The following GPLD1 variants were observed in gnomAD, a reference collection of about 807,000 sequenced individuals.
GPLD1 encodes the protein phosphatidylinositol-glycan-specific phospholipase D.
In GPLD1, 84 loss-of-function variants were observed where a neutral mutation model predicts 112.6. The observed-to-expected ratio is 0.75, with a 90% confidence interval of 0.63 to 0.89. The LOEUF (loss-of-function observed/expected upper bound fraction) is 0.89, where lower values mean the gene tolerates loss of function less well. Ranked by LOEUF, GPLD1 falls within the 40% of genes least tolerant of loss-of-function variation. The probability of loss-of-function intolerance (pLI) is 0.00; values close to 1 mark genes in which losing one functional copy is unlikely to be tolerated. For synonymous variants in GPLD1, 386 were observed against 403.8 expected (o/e 0.96, Z 0.53); for missense variants, 1,044 against 1,051.5 (o/e 0.99, Z 0.10).
At chr6:24,458,138 C>T (rs1003215140) in intron 12 of GPLD1, among the ~76,000 whole-genome samples, 1 of 151,390 alleles carries the variant, frequency 6.6e-6, no homozygotes. Context: ...TAAATCTGCC[C>T]AAGGGTGACA....
At position 24,479,922 on chromosome 6, in the gene GPLD1, A is replaced by T. The variant is rs1385833486; in HGVS notation, c.191T>A (p.Ile64Asn). Residue 64 changes from isoleucine to asparagine, a missense_variant, in exon 3 of 25, where the codon ATC becomes AAC. Ile to Asn is a moderately radical substitution (Grantham distance 149). Coordinates refer to ENST00000230036, the MANE Select transcript of GPLD1 (RefSeq NM_001503.4). ...LEHQDAYQAG[I>N]VFPDCFYPSI... ...AGGGTAAAAACAATCAGGAAACACG[A>T]TTCCAGCCTGATACGCATCCTGGTG... The T allele has an allele frequency of 6.2e-7, 1 of 1,611,632 alleles. No homozygotes were observed. Among genetic ancestry groups the T allele is most frequent in the Admixed American group, 1.7e-5 (1 of 60,024 alleles).
chr6:24,468,640 G>A (rs983374941), intron 7 of GPLD1, among the ~76,000 whole-genome samples: 27 of 151,398 alleles, frequency 1.8e-4, no homozygotes, highest in East Asian at 7.8e-4. Flanking sequence ...CGCAACCTCC[G>A]CCTTCCAAGT....
intron 24 of GPLD1, among the ~76,000 whole-genome samples, chr6:24,432,208 T>A (rs1030486654): frequency 2.1e-5 from 3 of 144,626 alleles, no homozygotes; most frequent in African/African-American, 7.9e-5. Flanking sequence ...GACCACACCA[T>A]TGCACTCCGG....
At chr6:24,481,850 G>T (rs959092089) in intron 2 of GPLD1, among the ~76,000 whole-genome samples, 1 of 152,004 alleles carries the variant, frequency 6.6e-6, no homozygotes, top group African/African-American at 2.4e-5. Flanking sequence ...AGCTTGAGTT[G>T]GACTTTTTTC....
At chr6:24,435,849 T>TAAAAAAAAAAAAAAAAAAAAA (rs1554129001) in intron 22 of GPLD1, 2 of 83,936 alleles carry the variant, frequency 2.4e-5, no homozygotes, top group Admixed American at 1.2e-4. Context: ...AAAAAAAAAG[T>TAAAAAAAAAAAAAAAAAAAAA]TAAATAATGG....
At position 24,483,341 on chromosome 6, in the gene GPLD1, T is replaced by C. The variant is rs565453523; in HGVS notation, c.153+2734A>G. On this transcript the variant is annotated intron_variant, in intron 2 of 24. Transcript: ENST00000230036. Reference sequence around the variant, plus strand: ...TTTTAAGCTACAGAAACAAAAGTACTATGATACTGAAACCAAAAGAAACAG... The same window carrying C: ...TTTTAAGCTACAGAAACAAAAGTACCATGATACTGAAACCAAAAGAAACAG... 5.3e-5 allele frequency among the ~76,000 whole-genome samples: 8 copies of C among 151,792 alleles called. No individual in the cohort carries two copies. The East Asian group carries it at 7.8e-4, about 15-fold the overall frequency.
intron 12 of GPLD1, among the ~76,000 whole-genome samples, chr6:24,459,229 G>A (rs1215851691): frequency 6.7e-6 from 1 of 149,770 alleles, no homozygotes; most frequent in East Asian, 2.0e-4. Context: ...AGCCTCCAAG[G>A]TGAAGCTTTT....
rs551431320 is a variant in GPLD1 at position 24,471,440 on chromosome 6, G to A, written c.545+1142C>T. Among the ~76,000 whole-genome samples, 316 of 152,080 alleles carry A rather than the reference G, an allele frequency of 2.1e-3. 2 individuals carry two copies. Among genetic ancestry groups the A allele is most frequent in the Non-Finnish European group, 4.1e-3 (276 of 67,992 alleles). On this transcript the variant is annotated intron_variant, in intron 7 of 24. Transcript: ENST00000230036. ...ATCACACACCACTGCACTCCAGCCC[G>A]AGCCACAGAGTTAGACTGGCTCAAA... is the stretch of plus-strand genomic sequence containing the variant.
intron 3 of GPLD1, among the ~76,000 whole-genome samples, chr6:24,479,113 C>T (rs1581783663): frequency 6.6e-6 from 1 of 152,046 alleles, no homozygotes; most frequent in African/African-American, 2.4e-5. Context: ...CCCTCCCCAA[C>T]CAGAGACGTG....
intron 7 of GPLD1, among the ~76,000 whole-genome samples, chr6:24,468,898 C>T (rs1463612752): frequency 1.3e-5 from 2 of 152,212 alleles, no homozygotes; most frequent in African/African-American, 4.8e-5. Context: ...TCCGGACCTC[C>T]TGAGGCTGTA....
chr6:24,479,391 A>C (rs1029258058), intron 3 of GPLD1, among the ~76,000 whole-genome samples: 1 of 152,060 alleles, frequency 6.6e-6, no homozygotes, highest in Non-Finnish European at 1.5e-5. Context: ...TCTTTCTTTA[A>C]CTCTTACAAA....
chr6:24,460,517 C>T, intron 11 of GPLD1, 118 bp from the exon 12 acceptor site: 1 of 1,036,782 alleles, frequency 9.6e-7, no homozygotes, highest in Non-Finnish European at 1.4e-6. Context: ...ATTTTAACGT[C>T]AGAAGGCTGA....
intron 11 of GPLD1, among the ~76,000 whole-genome samples, chr6:24,461,241 T>G (rs184584517): frequency 6.6e-6 from 1 of 152,028 alleles, no homozygotes; most frequent in East Asian, 1.9e-4. Context: ...GTCAGGGTTC[T>G]GGCAACCCCA....
chr6:24,451,364 T>C (rs1279995539), intron 14 of GPLD1, among the ~76,000 whole-genome samples: 2 of 152,176 alleles, frequency 1.3e-5, no homozygotes, highest in Non-Finnish European at 2.9e-5. Flanking sequence ...GTTTTTGAGA[T>C]GGAGTTTCGC....
chr6:24,433,677 TAGAG>T (rs1204419498), intron 22 of GPLD1: 4 of 299,528 alleles, frequency 1.3e-5, no homozygotes, highest in East Asian at 8.0e-5. Flanking sequence ...GTATTTTTAG[TAGAG>T]AGGCGGTTTC....
In GPLD1 at chr6:24,466,784, CA is replaced by C; in HGVS notation, c.716del (p.Leu239TrpfsTer26). Reference sequence around the variant, plus strand: ...GAAAATACTCTTGGAATTGTTCCACCAAAAACGGGGACTTTGTAGAGTAAGT... The same window carrying C: ...GAAAATACTCTTGGAATTGTTCCACCAAAACGGGGACTTTGTAGAGTAAGT... ...YPTYSTKSPFLVEQFQEYFLG... is the reference protein window; with the variant it reads ...YPTYSTKSPFXVEQFQEYFLG... On this transcript the variant is annotated frameshift_variant, in exon 10 of 25. Coordinates refer to ENST00000230036, the MANE Select transcript of GPLD1 (RefSeq NM_001503.4). LOFTEE classifies it high-confidence loss of function. 6.2e-7 allele frequency: 1 copy of C among 1,611,920 alleles called. No individual in the cohort carries two copies. The highest frequency in any genetic ancestry group is 8.5e-7 in the Non-Finnish European group (1 of 1,178,142).
At chr6:24,460,211 A>G (rs747634483) in intron 12 of GPLD1, 68 bp downstream of exon 12, 10 of 1,553,170 alleles carry the variant, frequency 6.4e-6, no homozygotes, top group Non-Finnish European at 8.9e-6. Context: ...ATACCCAGGG[A>G]CTCAGCGAAA....
chr6:24,450,406 C>T (rs567703142), intron 14 of GPLD1, among the ~76,000 whole-genome samples: 1 of 152,238 alleles, frequency 6.6e-6, no homozygotes, highest in East Asian at 1.9e-4. Context: ...GAGACTGAGG[C>T]AGGAGAATCC....
At chr6:24,464,860 T>C (rs1763546978) in intron 10 of GPLD1, among the ~76,000 whole-genome samples, 1 of 152,026 alleles carries the variant, frequency 6.6e-6, no homozygotes. Context: ...TTCAGGTCAG[T>C]AGTGGGGAGA....
Sources: allele counts gnomAD v4.1 joint callset (sites outside exome capture counted in the v4.1 genomes callset), GRCh38; gene constraint gnomAD v4.1.1; transcripts MANE v1.5; gene names NCBI Gene and HGNC (gene_info 2026-07-23, HGNC 2026-07-21).